Variants in COL26A1 observed in about 807,000 individuals in gnomAD.
COL26A1 encodes collagen alpha-1(XXVI) chain.
COL26A1 carries 41 observed loss-of-function variants against 59.3 expected under a neutral mutation model. The observed-to-expected ratio is 0.69, with a 90% CI of 0.54 to 0.90. The LOEUF is 0.90. COL26A1 is among the 40% of genes least tolerant of loss of function. The pLI, the probability that COL26A1 is intolerant of heterozygous loss-of-function variation, is 0.00. For synonymous variants in COL26A1, 266 were observed against 256.0 expected (o/e 1.04, Z -0.37); for missense variants, 612 against 602.3 (o/e 1.02, Z -0.17).
At chr7:101,463,880 T>A (rs1170262068) in intron 3 of COL26A1, among the ~76,000 whole-genome samples, 5 of 97,550 alleles carry the variant, frequency 5.1e-5, no homozygotes, top group African/African-American at 2.8e-4. Context: ...TTTCTTTCTT[T>A]CTTTCTTTCT....
chr7:101,527,910 G>C (rs1477447011), intron 3 of COL26A1, among the ~76,000 whole-genome samples: 1 of 152,086 alleles, frequency 6.6e-6, no homozygotes, highest in South Asian at 2.1e-4. Flanking sequence ...GAGCCAGGAG[G>C]GGGCAGGATC....
intron 3 of COL26A1, among the ~76,000 whole-genome samples, chr7:101,482,432 G>A (rs1044225456): frequency 1.3e-5 from 2 of 152,204 alleles, no homozygotes; most frequent in Non-Finnish European, 2.9e-5. Context: ...TCCCAAGAAG[G>A]AAGTGGCAGA....
chr7:101,551,745 C>T (rs78703144), intron 10 of COL26A1, among the ~76,000 whole-genome samples: 2 of 137,618 alleles, frequency 1.5e-5, no homozygotes, highest in African/African-American at 2.7e-5. Flanking sequence ...GACTCCATCT[C>T]AAAAAAAAAA....
chr7:101,487,739 G>A (rs757227152), intron 3 of COL26A1, among the ~76,000 whole-genome samples: 6 of 152,120 alleles, frequency 3.9e-5, no homozygotes, highest in Admixed American at 2.6e-4. Context: ...CACCCTGCCC[G>A]TAAGATAAGC....
At chr7:101,547,343 G>A in intron 8 of COL26A1, 104 bp downstream of exon 8, 2 of 707,174 alleles carry the variant, frequency 2.8e-6, no homozygotes, top group Non-Finnish European at 4.7e-6. Flanking sequence ...GCGGTCCATG[G>A]CTTCTGGGCA....
chr7:101,483,972 C>T (rs114054500), intron 3 of COL26A1, among the ~76,000 whole-genome samples: 1,948 of 147,232 alleles, frequency 0.013, 28 homozygotes, highest in African/African-American at 0.033. Flanking sequence ...CTGCACCTGG[C>T]CCCAGCTAAC....
intron 1 of COL26A1, among the ~76,000 whole-genome samples, chr7:101,373,184 T>C (rs1160848974): frequency 6.6e-6 from 1 of 152,010 alleles, no homozygotes; most frequent in Non-Finnish European, 1.5e-5. Context: ...TAGGAGGTAG[T>C]TGATGGATGG....
chr7:101,417,440 A>G (rs367908817), intron 1 of COL26A1, among the ~76,000 whole-genome samples: 51 of 146,984 alleles, frequency 3.5e-4, no homozygotes, highest in African/African-American at 1.2e-3. Context: ...GAGGTCAGCC[A>G]GCACCCACTC....
chr7:101,526,410 G>A (rs10953348), intron 3 of COL26A1, among the ~76,000 whole-genome samples: 102,679 of 152,000 alleles, frequency 0.68, 37,150 homozygotes, highest in African/African-American at 0.92. Flanking sequence ...CCTGCTGGTG[G>A]CACTTGCCCT....
chr7:101,392,592 G>A (rs956853503), intron 1 of COL26A1, among the ~76,000 whole-genome samples: 1 of 151,706 alleles, frequency 6.6e-6, no homozygotes, highest in Admixed American at 6.6e-5. Flanking sequence ...AGTAGAGATG[G>A]GGTTTCACCA....
intron 3 of COL26A1, among the ~76,000 whole-genome samples, chr7:101,485,000 C>A (rs1001247702): frequency 6.6e-6 from 1 of 151,886 alleles, no homozygotes; most frequent in African/African-American, 2.4e-5. Context: ...TACAGGCATG[C>A]GCCACCAAGC....
At chr7:101,392,065 G>A (rs73179267) in intron 1 of COL26A1, among the ~76,000 whole-genome samples, 6 of 151,956 alleles carry the variant, frequency 3.9e-5, no homozygotes, top group African/African-American at 1.4e-4. Context: ...GTTCTTCGAG[G>A]CAGGGAAGTG....
At chr7:101,520,528 T>A (rs997537001) in intron 3 of COL26A1, among the ~76,000 whole-genome samples, 25 of 151,844 alleles carry the variant, frequency 1.6e-4, no homozygotes, top group Admixed American at 5.2e-4. Context: ...TACAAAAAAA[T>A]TTTTAAAAAT....
At chr7:101,446,067 A>AAAAAAAAAAAAAAC (rs1793187773) in intron 2 of COL26A1, among the ~76,000 whole-genome samples, 1 of 150,780 alleles carries the variant, frequency 6.6e-6, no homozygotes, top group Non-Finnish European at 1.5e-5. Context: ...AAAAAAAAAA[A>AAAAAAAAAAAAAAC]AAAGACAGTG....
intron 11 of COL26A1, among the ~76,000 whole-genome samples, chr7:101,555,321 C>T (rs887184546): frequency 6.6e-6 from 1 of 152,218 alleles, no homozygotes; most frequent in Non-Finnish European, 1.5e-5. Context: ...ACCTACCCTG[C>T]CCCTTGCCTG....
intron 3 of COL26A1, among the ~76,000 whole-genome samples, chr7:101,465,602 G>A (rs1430148438): frequency 9.3e-5 from 14 of 150,138 alleles, no homozygotes; most frequent in African/African-American, 2.7e-4. Context: ...GCCAAGGCAG[G>A]AGAATTGCTT....
intron 3 of COL26A1, among the ~76,000 whole-genome samples, chr7:101,509,379 G>A (rs1179336738): frequency 3.3e-5 from 5 of 152,082 alleles, no homozygotes; most frequent in Non-Finnish European, 7.4e-5. Context: ...CTGGGAGGCG[G>A]GGGTTGCAGT....
chr7:101,526,173 C>T (rs535527917), intron 3 of COL26A1, among the ~76,000 whole-genome samples: 183 of 152,044 alleles, frequency 1.2e-3, no homozygotes, highest in African/African-American at 3.7e-3. Context: ...TTCAGCCTCC[C>T]GAGTAGTTGG....
At chr7:101,463,626 TCTTCCTTCCTTCCTTCCATC>T (rs1163638816) in intron 3 of COL26A1, among the ~76,000 whole-genome samples, 30 of 57,070 alleles carry the variant, frequency 5.3e-4, no homozygotes, top group African/African-American at 2.3e-3. Flanking sequence ...TCCCTCCCCC[TCTTCCTTCCTTCCTTCCATC>T]CTTCCATCCT....
Sources: gnomAD v4.1 joint callset for allele counts (sites outside exome capture counted in the v4.1 genomes callset) on GRCh38, gnomAD v4.1.1 for gene constraint, MANE v1.5 for transcripts, NCBI Gene and HGNC (gene_info 2026-07-23, HGNC 2026-07-21) for gene names.